RFC1: variants seen among roughly 807,000 people sequenced by gnomAD.
RFC1 encodes A1 140 kDa subunit.
In RFC1, 37 loss-of-function variants were observed where a neutral mutation model predicts 137.4. The observed-to-expected ratio is 0.27, with a 90% CI of 0.21 to 0.35. The LOEUF (loss-of-function observed/expected upper bound fraction) is 0.35. RFC1 is among the 10% of genes least tolerant of loss of function. The pLI is 1.00. For synonymous variants in RFC1, 429 were observed against 455.7 expected, an observed-to-expected ratio of 0.94 and a Z score of 0.75; for missense variants, 1,205 against 1,358.5, an observed-to-expected ratio of 0.89 and a Z score of 1.78.
At chr4:39,363,346 A>G (rs1741852525) in intron 1 of RFC1, among the ~76,000 whole-genome samples, 1 of 152,170 alleles carries the variant, frequency 6.6e-6, no homozygotes, top group Non-Finnish European at 1.5e-5. Context: ...CCTCTCAGAC[A>G]CATATTTCCC....
In RFC1 at chr4:39,291,688, A is replaced by C. The variant is rs1304356415; in HGVS notation, c.3119T>G (p.Ile1040Ser). ...MKEDFENIME[I>S]SSWGGKPSPF... Reference sequence around the variant, plus strand: ...ACTAGGTTTGCCACCCCAGCTGCTGATTTCCATGATATTCTCAAAGTCTTC... The same window carrying C: ...ACTAGGTTTGCCACCCCAGCTGCTGCTTTCCATGATATTCTCAAAGTCTTC... The change falls in exon 23 of 25, where the codon ATC becomes AGC. Residue 1040 changes from isoleucine to serine, a missense_variant. By Grantham distance (142) the Ile-to-Ser change is moderately radical. Transcript: ENST00000349703. 1 of 1,614,018 alleles carries C rather than the reference A, an allele frequency of 6.2e-7. No homozygotes were observed. Among genetic ancestry groups the C allele is most frequent in the Non-Finnish European group, 8.5e-7 (1 of 1,180,018 alleles).
chr4:39,359,723 G>A (rs932283732), intron 1 of RFC1, among the ~76,000 whole-genome samples: 27 of 151,876 alleles, frequency 1.8e-4, no homozygotes, highest in Admixed American at 6.6e-5. Context: ...TCAGGAGGCT[G>A]AGGCAGGAGA....
At chr4:39,361,213 A>G (rs1468014882) in intron 1 of RFC1, among the ~76,000 whole-genome samples, 1 of 152,012 alleles carries the variant, frequency 6.6e-6, no homozygotes, top group Non-Finnish European at 1.5e-5. Flanking sequence ...ACAGGACAAA[A>G]CCCCGTCTCT....
rs1295438015 is a variant in RFC1 at position 39,308,640 on chromosome 4, T to G, written c.1881A>C (p.Lys627Asn). ...TGAGTGAGGTTGTAAAATCACCGTG[T>G]TTTTTATCTTCGGAAGAACTCTTTT... ...NWQKSSSEDK[K>N]HAKFGKFSGK... The change falls in exon 13 of 25, where the codon AAA (lysine) becomes AAC (asparagine). Residue 627 changes from lysine to asparagine, a missense_variant. Lys to Asn is a moderately conservative substitution (Grantham distance 94). Coordinates refer to ENST00000349703, the MANE Select transcript of RFC1 (RefSeq NM_002913.5). 2.5e-6 allele frequency: 4 copies of G among 1,607,874 alleles called. No homozygotes were observed. Among genetic ancestry groups the G allele is most frequent in the Non-Finnish European group, 3.4e-6 (4 of 1,175,886 alleles).
intron 1 of RFC1, among the ~76,000 whole-genome samples, chr4:39,361,546 A>G (rs1236093044): frequency 1.3e-5 from 2 of 152,224 alleles, no homozygotes; most frequent in Non-Finnish European, 2.9e-5. Flanking sequence ...TTCTAGCAAA[A>G]GAATTAGGCA....
chr4:39,299,837 C>T (rs1488785638), intron 21 of RFC1, among the ~76,000 whole-genome samples, 184 bp downstream of exon 21: 1 of 152,088 alleles, frequency 6.6e-6, no homozygotes, highest in Non-Finnish European at 1.5e-5. Flanking sequence ...ATCTCTTGAA[C>T]CCGGGAGGCA....
intron 1 of RFC1, among the ~76,000 whole-genome samples, chr4:39,356,177 G>A (rs1206382193): frequency 6.6e-6 from 1 of 152,040 alleles, no homozygotes; most frequent in Non-Finnish European, 1.5e-5. Flanking sequence ...GAGGCGGGTG[G>A]ATTACGAGGT....
chr4:39,309,084 T>C (rs1201966889), intron 12 of RFC1, 52 bp from the exon 13 acceptor site: 23 of 1,530,594 alleles, frequency 1.5e-5, no homozygotes, highest in Non-Finnish European at 2.0e-5. Flanking sequence ...ACATACAGAA[T>C]TTCTATCCTG....
rs191725459 is a variant in RFC1, at chr4:39,305,476, C to T, written c.1996-548G>A. On this transcript the variant is annotated intron_variant, in intron 14 of 24. Coordinates refer to ENST00000349703, the MANE Select transcript of RFC1 (RefSeq NM_002913.5). ...ACAAAAAATTAGCTGGGCGTGGTGG[C>T]GTGTTCCTGTAGTCTCAGCTACTCT... 2.4e-4 allele frequency among the ~76,000 whole-genome samples: 36 copies of T among 152,078 alleles called. No homozygotes were observed. The South Asian group carries it at 5.0e-3, about 21-fold the overall frequency.
intron 2 of RFC1, 44 bp from the exon 3 acceptor site, chr4:39,345,520 A>T: frequency 6.7e-7 from 1 of 1,496,420 alleles, no homozygotes; most frequent in Non-Finnish European, 9.1e-7. Flanking sequence ...AAGCCTATAT[A>T]ACTATCTTTT....
chr4:39,338,241 G>T (rs1740451791), intron 4 of RFC1, among the ~76,000 whole-genome samples: 1 of 152,138 alleles, frequency 6.6e-6, no homozygotes, highest in Non-Finnish European at 1.5e-5. Flanking sequence ...ATAAATCCTA[G>T]TAGAAGACAG....
At position 39,288,074 on chromosome 4, in the gene RFC1, A is replaced by G. The variant is rs1737469041; in HGVS notation, c.*687T>C. On this transcript the variant is annotated 3_prime_UTR_variant, in exon 25 of 25. Coordinates refer to ENST00000349703, the MANE Select transcript of RFC1 (RefSeq NM_002913.5). ...CCGAGTTCTGACTCCTCGACTGCCA[A>G]TGTTATGTTTCACACAACAGGTTAG... 6.6e-6 allele frequency: 1 copy of G among 152,242 alleles called. No individual in the cohort carries two copies. The highest frequency in any genetic ancestry group is 1.5e-5 in the Non-Finnish European group (1 of 68,060). 9.4% of individuals were successfully genotyped at this position (152,242 alleles called of 1,614,324 possible).
intron 2 of RFC1, among the ~76,000 whole-genome samples, chr4:39,350,363 TAA>T (rs1244391344): frequency 6.6e-6 from 1 of 152,036 alleles, no homozygotes; most frequent in Non-Finnish European, 1.5e-5. Context: ...CCAATTTTGA[TAA>T]AAGATATAAA....
intron 1 of RFC1, among the ~76,000 whole-genome samples, chr4:39,357,035 T>C (rs1203119316): frequency 6.6e-6 from 1 of 152,212 alleles, no homozygotes; most frequent in Non-Finnish European, 1.5e-5. Flanking sequence ...AGAACTATTT[T>C]TGATGCTTGG....
At chr4:39,299,994 G>C in intron 21 of RFC1, 27 bp downstream of exon 21, 1 of 1,300,908 alleles carries the variant, frequency 7.7e-7, no homozygotes, top group Non-Finnish European at 1.1e-6. Flanking sequence ...AGCAGAGCCT[G>C]CATGTTAGGG....
chr4:39,356,901 G>C (rs1314097915), intron 1 of RFC1, among the ~76,000 whole-genome samples: 1 of 152,172 alleles, frequency 6.6e-6, no homozygotes, highest in Non-Finnish European at 1.5e-5. Context: ...AGTGTGGTCT[G>C]AAAAACTTTT....
At chr4:39,350,865 TA>T (rs1560621702) in intron 2 of RFC1, among the ~76,000 whole-genome samples, 1 of 152,160 alleles carries the variant, frequency 6.6e-6, no homozygotes, top group Non-Finnish European at 1.5e-5. Context: ...TTAATTTTTT[TA>T]AAAAATACAC....
intron 10 of RFC1, among the ~76,000 whole-genome samples, chr4:39,315,140 C>T (rs1289400642): frequency 6.6e-6 from 1 of 152,206 alleles, no homozygotes; most frequent in African/African-American, 2.4e-5. Context: ...CTCTTCCACC[C>T]GCTTCCATCA....
chr4:39,306,746 AAC>A, intron 13 of RFC1, 45 bp from the exon 14 acceptor site: 1 of 1,102,170 alleles, frequency 9.1e-7, no homozygotes, highest in Non-Finnish European at 1.4e-6. Flanking sequence ...TATATCACCT[AAC>A]AGAAATTCAA....
Sources: allele counts gnomAD v4.1 joint callset (sites outside exome capture counted in the v4.1 genomes callset), GRCh38; gene constraint gnomAD v4.1.1; transcripts MANE v1.5; gene names NCBI Gene and HGNC (gene_info 2026-07-23, HGNC 2026-07-21).